The following HPSE2 variants were observed in gnomAD, a reference collection of about 807,000 sequenced individuals.
HPSE2 encodes the protein inactive heparanase-2.
In HPSE2, 38 loss-of-function variants were observed where a neutral mutation model predicts 60.5. The ratio of observed to expected loss-of-function variants is 0.63; its 90% CI spans 0.48 to 0.82. The LOEUF (loss-of-function observed/expected upper bound fraction) is 0.82, where lower values mean the gene tolerates loss of function less well. Among genes scored for constraint, HPSE2 ranks in the 40% least tolerant of loss-of-function variants. The pLI, the probability that HPSE2 is intolerant of heterozygous loss-of-function variation, is 0.00. For missense variants in HPSE2, 713 were observed against 740.4 expected, an observed-to-expected ratio of 0.96 and a Z score of 0.43; for synonymous variants, 295 against 293.2, an observed-to-expected ratio of 1.01 and a Z score of -0.06.
chr10:98,816,717 A>C (rs1439560496), intron 3 of HPSE2, among the ~76,000 whole-genome samples: 4 of 152,152 alleles, frequency 2.6e-5, no homozygotes, highest in Non-Finnish European at 5.9e-5. Context: ...TGCCTCCATA[A>C]ACAACTTTTT....
chr10:98,556,984 C>T (rs1252757), intron 9 of HPSE2, among the ~76,000 whole-genome samples: 59,776 of 151,538 alleles, frequency 0.39, 12,314 homozygotes, highest in East Asian at 0.53. Flanking sequence ...GCTGAGGGGG[C>T]GTGGATCTCG....
chr10:98,868,082 T>G lies in HPSE2; in HGVS notation c.611-124026A>C, dbSNP rs76132022. ...CCACAAAAAAAAGAAAGAAAGAAAATAAATAAATAAATAAATAAATAAATA... is the reference window on the plus strand; with the variant it reads ...CCACAAAAAAAAGAAAGAAAGAAAAGAAATAAATAAATAAATAAATAAATA... On this transcript the variant is annotated intron_variant, in intron 3 of 11. Coordinates refer to ENST00000370552, the MANE Select transcript of HPSE2 (RefSeq NM_021828.5). 6.0e-3 allele frequency among the ~76,000 whole-genome samples: 7 copies of G among 1,166 alleles called. No individual in the cohort carries two copies. The East Asian group carries it at 0.22, about 36-fold the overall frequency. 0.8% of individuals were successfully genotyped at this position (1,166 alleles called of 152,430 possible). A position where few individuals can be genotyped will look rare whatever the true frequency, so the allele number is the denominator to read the frequency against.
intron 3 of HPSE2, among the ~76,000 whole-genome samples, chr10:98,895,907 G>A (rs886922599): frequency 7.6e-6 from 1 of 132,310 alleles, no homozygotes; most frequent in African/African-American, 2.8e-5. Context: ...GACACAGGAA[G>A]GGGAACATCA....
At chr10:98,497,427 A>G (rs919138965) in intron 9 of HPSE2, among the ~76,000 whole-genome samples, 2 of 152,164 alleles carry the variant, frequency 1.3e-5, no homozygotes, top group Admixed American at 6.5e-5. Flanking sequence ...ATACTGATAA[A>G]CAATATATAT....
At chr10:98,719,525 T>C (rs1372581273) in intron 5 of HPSE2, among the ~76,000 whole-genome samples, 3 of 151,710 alleles carry the variant, frequency 2.0e-5, no homozygotes, top group Non-Finnish European at 4.4e-5. Context: ...GTAGGGTATC[T>C]TCCAAAATTT....
chr10:98,575,031 G>A (rs1374661912), intron 9 of HPSE2, among the ~76,000 whole-genome samples: 1 of 152,122 alleles, frequency 6.6e-6, no homozygotes, highest in Non-Finnish European at 1.5e-5. Context: ...GGAAAGCAGG[G>A]AAGAGGAAAG....
At chr10:98,766,569 G>A (rs2489839) in intron 3 of HPSE2, among the ~76,000 whole-genome samples, 130,505 of 152,226 alleles carry the variant, frequency 0.86, 56,320 homozygotes, top group African/African-American at 0.95. Context: ...ACAAATGTAA[G>A]GAAAAATAAC....
intron 11 of HPSE2, among the ~76,000 whole-genome samples, chr10:98,462,825 C>A (rs1940355665): frequency 6.6e-6 from 1 of 152,120 alleles, no homozygotes; most frequent in South Asian, 2.1e-4. Flanking sequence ...AGCTGATGCT[C>A]CCTAAGCTTG....
At chr10:98,556,647 T>A (rs513809) in intron 9 of HPSE2, among the ~76,000 whole-genome samples, 129,535 of 152,138 alleles carry the variant, frequency 0.85, 56,355 homozygotes, top group East Asian at 1. Flanking sequence ...TAAAACCTTA[T>A]GGAAAGGAAT....
intron 2 of HPSE2, among the ~76,000 whole-genome samples, chr10:99,200,440 T>C (rs1848538359): frequency 1.3e-5 from 2 of 152,064 alleles, no homozygotes; most frequent in South Asian, 2.1e-4. Flanking sequence ...GCAGATATTG[T>C]AGAGATTTGG....
intron 2 of HPSE2, among the ~76,000 whole-genome samples, chr10:99,231,851 C>T (rs557914882): frequency 1.1e-4 from 17 of 152,306 alleles, no homozygotes; most frequent in African/African-American, 4.1e-4. Flanking sequence ...CTTCTGTACC[C>T]TAATCACAGG....
chr10:98,982,878 G>A (rs11189916), intron 3 of HPSE2, among the ~76,000 whole-genome samples: 7,799 of 152,256 alleles, frequency 0.051, 288 homozygotes, highest in Non-Finnish European at 0.077. Context: ...CTATGTGGCT[G>A]ATCACTTGAA....
At chr10:98,682,040 C>G (rs1947798963) in intron 6 of HPSE2, among the ~76,000 whole-genome samples, 1 of 152,162 alleles carries the variant, frequency 6.6e-6, no homozygotes, top group African/African-American at 2.4e-5. Flanking sequence ...CCCTTCAAAT[C>G]TCCTCTTGAA....
intron 9 of HPSE2, among the ~76,000 whole-genome samples, chr10:98,546,493 A>T (rs937465977): frequency 1.3e-5 from 2 of 151,562 alleles, no homozygotes; most frequent in African/African-American, 2.4e-5. Flanking sequence ...CCTCAGAAAT[A>T]ACGCCGCATA....
rs547528193 is a variant in HPSE2 at position 98,938,687 on chromosome 10, C to T, written c.611-194631G>A. Among the ~76,000 whole-genome samples the T allele has an allele frequency of 1.1e-3, 153 of 143,658 alleles. 30 individuals are homozygous for T. Among genetic ancestry groups the T allele is most frequent in the African/African-American group, 4.1e-3 (146 of 35,398 alleles). The allele number at this position is 143,658 out of a possible 152,430, so 94.2% of individuals were successfully genotyped here. Reference sequence around the variant, plus strand: ...CAGGATATTGTCCAGGAGAACTTCCCCAATCTAGCAAGGCACGCCAACATT... The same window carrying T: ...CAGGATATTGTCCAGGAGAACTTCCTCAATCTAGCAAGGCACGCCAACATT... On this transcript the variant is annotated intron_variant, in intron 3 of 11. Coordinates refer to ENST00000370552, the MANE Select transcript of HPSE2 (RefSeq NM_021828.5).
chr10:99,103,766 G>A (rs530586608), intron 3 of HPSE2, among the ~76,000 whole-genome samples: 14 of 152,148 alleles, frequency 9.2e-5, no homozygotes, highest in African/African-American at 3.4e-4. Flanking sequence ...AAACAGCATG[G>A]TACCGGTACC....
intron 11 of HPSE2, chr10:98,461,883 T>C (rs1940306019): frequency 1.7e-6 from 2 of 1,211,182 alleles, no homozygotes; most frequent in East Asian, 2.5e-5. Context: ...TAAGGAGTAG[T>C]TGTCCTGGAA....
chr10:98,630,193 TTG>T (rs1554958069), intron 7 of HPSE2, among the ~76,000 whole-genome samples: 1 of 149,458 alleles, frequency 6.7e-6, no homozygotes, highest in African/African-American at 2.5e-5. Context: ...GTTTTTTTTT[TTG>T]TTTTTTTTTT....
At chr10:98,983,873 G>A (rs971164810) in intron 3 of HPSE2, among the ~76,000 whole-genome samples, 4 of 152,294 alleles carry the variant, frequency 2.6e-5, no homozygotes, top group South Asian at 4.1e-4. Context: ...AGGGACCTAC[G>A]CCCATGGAGC....
Sources: allele counts gnomAD v4.1 joint callset (sites outside exome capture counted in the v4.1 genomes callset), GRCh38; gene constraint gnomAD v4.1.1; transcripts MANE v1.5; gene names NCBI Gene and HGNC (gene_info 2026-07-23, HGNC 2026-07-21).